DLG2: variants seen among roughly 807,000 people sequenced by gnomAD.
The protein encoded by DLG2 is discs large MAGUK scaffold protein 2, also known as disks large homolog 2.
A neutral mutation model predicts 132.5 loss-of-function variants in DLG2; 45 were observed. The observed-to-expected ratio is 0.34, with a 90% CI of 0.27 to 0.44. The LOEUF (loss-of-function observed/expected upper bound fraction) is 0.44. DLG2 is among the 20% of genes least tolerant of loss of function. DLG2 has a pLI of 1.00. For synonymous variants in DLG2, 424 were observed against 419.6 expected (o/e 1.01, Z -0.13); for missense variants, 1,045 against 1,196.9 (o/e 0.87, Z 1.87).
At chr11:85,547,533 C>T (rs922739799) in intron 3 of DLG2, among the ~76,000 whole-genome samples, 2 of 152,234 alleles carry the variant, frequency 1.3e-5, no homozygotes, top group South Asian at 4.1e-4. Flanking sequence ...GTTGGTCTGC[C>T]TTGCTAGGTT....
chr11:85,101,953 G>A (rs2070914871), intron 6 of DLG2, among the ~76,000 whole-genome samples: 1 of 151,964 alleles, frequency 6.6e-6, no homozygotes, highest in South Asian at 2.1e-4. Context: ...AAATAAATAA[G>A]ATGAGATTAG....
chr11:83,666,730 C>T (rs1371566166), intron 18 of DLG2, among the ~76,000 whole-genome samples: 1 of 152,148 alleles, frequency 6.6e-6, no homozygotes, highest in Non-Finnish European at 1.5e-5. Context: ...GTACCAAGCA[C>T]AAGACTCCAC....
intron 4 of DLG2, among the ~76,000 whole-genome samples, chr11:85,263,340 AT>A (rs976716863): frequency 1.3e-5 from 2 of 152,204 alleles, no homozygotes; most frequent in Admixed American, 6.5e-5. Context: ...TCATGGGAGA[AT>A]TTAGAGTGAG....
rs552529518 is a variant in DLG2 at position 85,295,450 on chromosome 11, T to C, written c.41-10085A>G. 1.7e-3 allele frequency among the ~76,000 whole-genome samples: 252 copies of C among 152,252 alleles called. 1 individual carries two copies. The highest frequency in any genetic ancestry group is 5.9e-3 in the African/African-American group (246 of 41,566). ...AGTTGTACTTTGTAAATGTCATTCA[T>C]TTTACTAACTTCTTTTGATCATCTT... On this transcript the variant is annotated intron_variant, in intron 3 of 27. Transcript: ENST00000376104.
intron 7 of DLG2, among the ~76,000 whole-genome samples, chr11:84,514,974 T>A (rs185967481): frequency 4.0e-5 from 6 of 151,460 alleles, no homozygotes; most frequent in African/African-American, 9.7e-5. Flanking sequence ...AATAAAAAAA[T>A]TAATTAAAGA....
chr11:85,393,440 C>T lies in DLG2; in HGVS notation c.41-108075G>A, dbSNP rs114627426. Among the ~76,000 whole-genome samples, 443 of 152,072 alleles carry T rather than the reference C, an allele frequency of 2.9e-3. 1 individual carries two copies. The highest frequency in any genetic ancestry group is 0.01 in the African/African-American group (429 of 41,474). On this transcript the variant is annotated intron_variant, in intron 3 of 27. Coordinates refer to ENST00000376104, the MANE Select transcript of DLG2 (RefSeq NM_001142699.3). ...CTTAAAGAACTAAAAGTAAATCAAC[C>T]ATTTGATTCAGCAATCCCACTCCTG...
At chr11:85,555,768 C>T (rs1598483698) in intron 3 of DLG2, among the ~76,000 whole-genome samples, 1 of 151,916 alleles carries the variant, frequency 6.6e-6, no homozygotes, top group Middle Eastern at 3.4e-3. Context: ...ATAAGACAAC[C>T]TTTGTTCACA....
intron 6 of DLG2, among the ~76,000 whole-genome samples, chr11:84,636,621 C>T (rs1482613223): frequency 6.6e-6 from 1 of 152,132 alleles, no homozygotes; most frequent in African/African-American, 2.4e-5. Context: ...TTCTGGAATG[C>T]ACACCTGACA....
intron 7 of DLG2, among the ~76,000 whole-genome samples, chr11:84,464,193 C>T (rs994333732): frequency 3.3e-5 from 5 of 151,062 alleles, no homozygotes. Context: ...ATGAATATTA[C>T]AAGATCCTAG....
chr11:84,760,388 T>C (rs772313861), intron 6 of DLG2, among the ~76,000 whole-genome samples: 17 of 152,222 alleles, frequency 1.1e-4, no homozygotes, highest in Non-Finnish European at 1.8e-4. Flanking sequence ...AAAGTCCCCA[T>C]AACCATTTAG....
intron 6 of DLG2, among the ~76,000 whole-genome samples, chr11:85,083,763 T>C (rs570406790): frequency 3.9e-5 from 6 of 152,272 alleles, no homozygotes; most frequent in African/African-American, 1.4e-4. Flanking sequence ...GTTTTCATTA[T>C]GCAGATGAAG....
chr11:85,386,488 TC>T, intron 3 of DLG2, among the ~76,000 whole-genome samples: 1 of 152,312 alleles, frequency 6.6e-6, no homozygotes, highest in South Asian at 2.1e-4. Flanking sequence ...TGTTCTTTTT[TC>T]AACTGTAAAA....
At chr11:83,702,150 C>G (rs939202497) in intron 18 of DLG2, among the ~76,000 whole-genome samples, 1 of 152,172 alleles carries the variant, frequency 6.6e-6, no homozygotes, top group Non-Finnish European at 1.5e-5. Flanking sequence ...TTCCCCTTAA[C>G]TTTCACTTTT....
At chr11:83,539,550 T>C (rs1444697877) in intron 20 of DLG2, among the ~76,000 whole-genome samples, 1 of 151,970 alleles carries the variant, frequency 6.6e-6, no homozygotes, top group Non-Finnish European at 1.5e-5. Flanking sequence ...GGTATTACTT[T>C]TACAAATACT....
intron 7 of DLG2, among the ~76,000 whole-genome samples, chr11:84,296,924 T>C (rs1318639589): frequency 6.6e-6 from 1 of 152,094 alleles, no homozygotes; most frequent in East Asian, 1.9e-4. Context: ...CAAATATCTT[T>C]CATGAAAGTA....
At chr11:83,864,812 G>T (rs1173832649) in intron 16 of DLG2, among the ~76,000 whole-genome samples, 1 of 140,852 alleles carries the variant, frequency 7.1e-6, no homozygotes, top group African/African-American at 2.6e-5. Flanking sequence ...TGAAATATAT[G>T]CAGAAAAAAA....
intron 18 of DLG2, among the ~76,000 whole-genome samples, chr11:83,719,802 G>A (rs2087843490): frequency 6.6e-6 from 1 of 152,094 alleles, no homozygotes; most frequent in South Asian, 2.1e-4. Context: ...GAATTTGGGG[G>A]ACTGACTCTA....
At chr11:85,071,524 T>C (rs2065865289) in intron 6 of DLG2, among the ~76,000 whole-genome samples, 1 of 151,890 alleles carries the variant, frequency 6.6e-6, no homozygotes, top group African/African-American at 2.4e-5. Flanking sequence ...AAGAACTGGA[T>C]GCATCTTGTT....
At chr11:85,620,022 C>A (rs1484002500) in intron 2 of DLG2, among the ~76,000 whole-genome samples, 1 of 152,210 alleles carries the variant, frequency 6.6e-6, no homozygotes, top group Non-Finnish European at 1.5e-5. Context: ...ACGTTTTTCA[C>A]AAATTAAGTT....
Sources: gnomAD v4.1 joint callset for allele counts (sites outside exome capture counted in the v4.1 genomes callset) on GRCh38, gnomAD v4.1.1 for gene constraint, MANE v1.5 for transcripts, NCBI Gene and HGNC (gene_info 2026-07-23, HGNC 2026-07-21) for gene names.